Variants in NCKAP5 observed in about 807,000 individuals in gnomAD.
NCKAP5 encodes the protein NCK associated protein 5, also known as nck-associated protein 5.
A neutral mutation model predicts 167.0 loss-of-function variants in NCKAP5; 92 were observed. That is an observed-to-expected ratio of 0.55 (90% CI 0.47 to 0.66). The LOEUF is 0.66. NCKAP5 is among the 30% of genes least tolerant of loss of function. NCKAP5 has a pLI of 0.00. For synonymous variants in NCKAP5, 891 were observed against 877.4 expected, an observed-to-expected ratio of 1.02 and a Z score of -0.27; for missense variants, 2,378 against 2,315.0, an observed-to-expected ratio of 1.03 and a Z score of -0.56.
intron 3 of NCKAP5, among the ~76,000 whole-genome samples, chr2:133,399,367 A>C (rs1359447146): frequency 6.6e-6 from 1 of 151,288 alleles, no homozygotes; most frequent in Middle Eastern, 3.2e-3. Context: ...ATTAAGAATG[A>C]CTCATTGACC....
At chr2:133,570,197 A>G (rs1225484223), upstream of NCKAP5, among the ~76,000 whole-genome samples, 2 of 152,204 alleles carry the variant, frequency 1.3e-5, no homozygotes. Context: ...GAGGAATTAT[A>G]TAAATGATTA....
chr2:133,235,922 C>CA (rs1361742828), intron 4 of NCKAP5, among the ~76,000 whole-genome samples: 1 of 145,620 alleles, frequency 6.9e-6, no homozygotes, highest in Non-Finnish European at 1.5e-5. Flanking sequence ...AAAAAAAATG[C>CA]AAAAAAATGG....
chr2:133,664,725 C>T, the NCKAP5 span, among the ~76,000 whole-genome samples: 5 of 152,270 alleles, frequency 3.3e-5, no homozygotes, highest in South Asian at 1.0e-3. Flanking sequence ...GTCTCAATCT[C>T]CTGACCTTGT....
At chr2:133,208,265 G>A (rs975892269) in intron 5 of NCKAP5, among the ~76,000 whole-genome samples, 1 of 152,082 alleles carries the variant, frequency 6.6e-6, no homozygotes, top group African/African-American at 2.4e-5. Context: ...CTTGAGCCCG[G>A]CAGGAGAGGC....
At chr2:133,140,383 T>A (rs921597717) in intron 5 of NCKAP5, among the ~76,000 whole-genome samples, 5 of 152,174 alleles carry the variant, frequency 3.3e-5, no homozygotes, top group Non-Finnish European at 7.4e-5. Context: ...ACTCTGTTCC[T>A]TTTCTGTCTG....
chr2:133,411,446 TGAG>T (rs1281123981), intron 3 of NCKAP5, among the ~76,000 whole-genome samples: 2 of 152,044 alleles, frequency 1.3e-5, no homozygotes, highest in African/African-American at 2.4e-5. Flanking sequence ...CTGTGTGGGA[TGAG>T]GAGAAGGATC....
At chr2:133,132,285 T>G (rs1171354298) in intron 5 of NCKAP5, among the ~76,000 whole-genome samples, 1 of 97,002 alleles carries the variant, frequency 1.0e-5, no homozygotes, top group South Asian at 2.9e-4. Context: ...AGACTCCATC[T>G]CAAAAAAAAA....
chr2:132,792,505 T>G (rs367766493), intron 12 of NCKAP5, among the ~76,000 whole-genome samples: 1 of 152,356 alleles, frequency 6.6e-6, no homozygotes, highest in East Asian at 1.9e-4. Flanking sequence ...CAGGCTTCAC[T>G]TCTACTGTGT....
intron 4 of NCKAP5, among the ~76,000 whole-genome samples, chr2:133,251,612 A>T (rs928759202): frequency 6.6e-6 from 1 of 152,234 alleles, no homozygotes; most frequent in African/African-American, 2.4e-5. Flanking sequence ...ATCAAACTGT[A>T]ACCTAAAGCA....
chr2:132,844,069 C>T (rs1688491706), intron 11 of NCKAP5, among the ~76,000 whole-genome samples: 1 of 152,040 alleles, frequency 6.6e-6, no homozygotes, highest in Non-Finnish European at 1.5e-5. Flanking sequence ...CAGGGTTTTA[C>T]TGAGGATAGT....
chr2:133,415,349 G>C (rs1689043052), intron 3 of NCKAP5, among the ~76,000 whole-genome samples: 1 of 152,218 alleles, frequency 6.6e-6, no homozygotes, highest in Admixed American at 6.5e-5. Flanking sequence ...GAAAGTAATG[G>C]CTGTGACATC....
chr2:133,152,407 C>T (rs1489772401), intron 5 of NCKAP5, among the ~76,000 whole-genome samples: 1 of 152,116 alleles, frequency 6.6e-6, no homozygotes, highest in Non-Finnish European at 1.5e-5. Context: ...AAACCACTGC[C>T]TTAAGTTACT....
intron 3 of NCKAP5, among the ~76,000 whole-genome samples, chr2:133,373,475 A>G (rs1574825458): frequency 6.6e-6 from 1 of 152,380 alleles, no homozygotes. Context: ...TATTGTCAAA[A>G]TATCAGTTCT....
At chr2:133,507,416 G>C (rs1683107730) in intron 3 of NCKAP5, among the ~76,000 whole-genome samples, 1 of 152,154 alleles carries the variant, frequency 6.6e-6, no homozygotes, top group Admixed American at 6.5e-5. Context: ...TTAAAACCAA[G>C]AACCAAAAAG....
At chr2:133,084,609 C>A (rs1389994727) in intron 6 of NCKAP5, among the ~76,000 whole-genome samples, 1 of 152,146 alleles carries the variant, frequency 6.6e-6, no homozygotes, top group African/African-American at 2.4e-5. Context: ...TAACCTTAAG[C>A]ACATCGAAAT....
At chr2:133,100,253 G>C (rs2081467242) in intron 6 of NCKAP5, among the ~76,000 whole-genome samples, 1 of 152,122 alleles carries the variant, frequency 6.6e-6, no homozygotes, top group Admixed American at 6.5e-5. Context: ...AGCTGGAGTG[G>C]ATCCCACTTT....
intron 3 of NCKAP5, among the ~76,000 whole-genome samples, chr2:133,338,410 C>T (rs900513581): frequency 6.6e-6 from 1 of 152,190 alleles, no homozygotes; most frequent in African/African-American, 2.4e-5. Context: ...AAGGTCTTTA[C>T]TCACATACTA....
the NCKAP5 span, among the ~76,000 whole-genome samples, chr2:133,644,088 A>G: frequency 6.6e-6 from 1 of 152,214 alleles, no homozygotes; most frequent in Non-Finnish European, 1.5e-5. Context: ...TGACAGGGCC[A>G]TGAGGCACCC....
the NCKAP5 span, among the ~76,000 whole-genome samples, chr2:133,591,968 T>A: frequency 6.6e-6 from 1 of 152,312 alleles, no homozygotes. Flanking sequence ...TATCTATTGC[T>A]AAGTACCTCT....
Sources: allele counts gnomAD v4.1 joint callset (sites outside exome capture counted in the v4.1 genomes callset), GRCh38; gene constraint gnomAD v4.1.1; transcripts MANE v1.5; gene names NCBI Gene and HGNC (gene_info 2026-07-23, HGNC 2026-07-21).